Variants in ADCY9 observed in about 807,000 individuals in gnomAD.
ADCY9 encodes adenylate cyclase 9.
ADCY9 carries 50 observed loss-of-function variants against 101.5 expected under a neutral mutation model. The ratio of observed to expected loss-of-function variants is 0.49; its 90% confidence interval spans 0.39 to 0.62. The LOEUF (loss-of-function observed/expected upper bound fraction) is 0.62, where lower values mean the gene tolerates loss of function less well. Ranked by LOEUF, ADCY9 falls within the 20% of genes least tolerant of loss-of-function variation. The pLI, the probability that ADCY9 is intolerant of heterozygous loss-of-function variation, is 0.00. For missense variants in ADCY9, 1,662 were observed against 1,800.4 expected (o/e 0.92, Z 1.39); for synonymous variants, 905 against 769.3 (o/e 1.18, Z -2.92).
intron 2 of ADCY9, among the ~76,000 whole-genome samples, chr16:4,087,497 C>T (rs1321384539): frequency 6.7e-6 from 1 of 148,756 alleles, no homozygotes. Context: ...GATCACATTG[C>T]TGCACTCCAG....
At chr16:4,075,743 C>G (rs2056862855) in intron 2 of ADCY9, among the ~76,000 whole-genome samples, 1 of 152,198 alleles carries the variant, frequency 6.6e-6, no homozygotes, top group South Asian at 2.1e-4. Flanking sequence ...GCGGCTGGGG[C>G]AGCGGGGGGG....
intron 2 of ADCY9, among the ~76,000 whole-genome samples, chr16:4,053,248 A>C (rs1415944841): frequency 6.6e-6 from 1 of 152,206 alleles, no homozygotes; most frequent in African/African-American, 2.4e-5. Flanking sequence ...AATCGCAGTG[A>C]AGTGGGCCGT....
chr16:4,053,344 CAGTTA>C (rs2056713998), intron 2 of ADCY9, among the ~76,000 whole-genome samples: 2 of 152,202 alleles, frequency 1.3e-5, no homozygotes, highest in African/African-American at 4.8e-5. Flanking sequence ...ATCCTGGAGA[CAGTTA>C]AGTTACCAGG....
In ADCY9 at chr16:4,114,893, A is replaced by T; in HGVS notation, c.550T>A (p.Phe184Ile). The change falls in exon 2 of 11, where the codon TTC becomes ATC. Residue 184 changes from phenylalanine to isoleucine, a missense_variant. Transcript: ENST00000294016. The surrounding 1 kb of genome is among the most constrained non-coding windows in gnomAD (Gnocchi z 4.3). ...WTSLALTLLV[F>I]ALTLAAQFQV... is the part of the protein sequence containing the mutation. ...AACTGCGCAGCCAGGGTCAGGGCGA[A>T]CACCAGCAGGGTGAGAGCCAGCGAG... is the stretch of plus-strand genomic sequence containing the variant. 1 of 1,613,822 alleles carries T rather than the reference A, an allele frequency of 6.2e-7. No individual in the cohort carries two copies. Among genetic ancestry groups the T allele is most frequent in the Non-Finnish European group, 8.5e-7 (1 of 1,180,026 alleles).
chr16:4,095,853 T>A (rs1161428870), intron 2 of ADCY9, among the ~76,000 whole-genome samples: 1 of 151,500 alleles, frequency 6.6e-6, no homozygotes, highest in Non-Finnish European at 1.5e-5. Flanking sequence ...GTTGCATGAC[T>A]ATAGTCCCAG....
intron 2 of ADCY9, among the ~76,000 whole-genome samples, chr16:4,069,108 G>T (rs2056817739): frequency 6.6e-6 from 1 of 152,120 alleles, no homozygotes; most frequent in African/African-American, 2.4e-5. Flanking sequence ...TATGCAAAAT[G>T]TCCTCAAAAA....
intron 2 of ADCY9, among the ~76,000 whole-genome samples, chr16:4,108,660 C>A (rs1450068643): frequency 2.6e-5 from 4 of 151,104 alleles, no homozygotes; most frequent in Non-Finnish European, 4.4e-5. Flanking sequence ...GCATGAGCCA[C>A]CACGCCCGGC....
intron 2 of ADCY9, among the ~76,000 whole-genome samples, chr16:4,035,537 A>G (rs1049046370): frequency 6.6e-6 from 1 of 152,152 alleles, no homozygotes; most frequent in African/African-American, 2.4e-5. Context: ...ACATGCTTAG[A>G]TTGCCTCGCA....
intron 2 of ADCY9, among the ~76,000 whole-genome samples, chr16:4,041,470 G>T (rs981106976): frequency 1.4e-5 from 2 of 138,514 alleles, no homozygotes; most frequent in Non-Finnish European, 3.0e-5. Flanking sequence ...CTGGGCGATC[G>T]AGCAAGGGCG....
chr16:4,044,672 C>T (rs1453228593), intron 2 of ADCY9, among the ~76,000 whole-genome samples: 1 of 152,304 alleles, frequency 6.6e-6, no homozygotes, highest in Non-Finnish European at 1.5e-5. Flanking sequence ...TAGATCCCAA[C>T]AGAGAAGGCT....
intron 2 of ADCY9, among the ~76,000 whole-genome samples, chr16:4,032,556 C>CTGGA (rs2056563257): frequency 6.7e-6 from 1 of 149,180 alleles, no homozygotes; most frequent in Non-Finnish European, 1.5e-5. Context: ...GTTGCCCAGG[C>CTGGA]TGGAGTGCAA....
At chr16:4,012,533 A>C (rs896608054) in intron 2 of ADCY9, among the ~76,000 whole-genome samples, 7 of 151,500 alleles carry the variant, frequency 4.6e-5, no homozygotes, top group African/African-American at 1.7e-4. Context: ...GAGAATAATT[A>C]ATATGATTTC....
chr16:3,985,495 G>A (rs751678899), intron 6 of ADCY9, among the ~76,000 whole-genome samples: 6 of 152,130 alleles, frequency 3.9e-5, no homozygotes, highest in Non-Finnish European at 4.4e-5. Flanking sequence ...AGAGGCCCAC[G>A]CACGTCCCCT....
At position 4,025,511 on chromosome 16, in the gene ADCY9, C is replaced by T. The variant is rs751845947; in HGVS notation, c.1694-17953G>A. Among the ~76,000 whole-genome samples the T allele has an allele frequency of 2.6e-5, 4 of 152,228 alleles. No individual in the cohort carries two copies. The South Asian group carries it at 6.2e-4, about 24-fold the overall frequency. On this transcript the variant is annotated intron_variant, in intron 2 of 10. Transcript: ENST00000294016. The stretch of plus-strand genomic sequence containing the variant: ...CACACCAGGGAGAGGTGCGTTTGGG[C>T]GGCGAAGAGCACAGGCCAGGCTGGC...
intron 2 of ADCY9, among the ~76,000 whole-genome samples, chr16:4,097,532 T>TAC (rs1186418922): frequency 1.9e-5 from 1 of 51,730 alleles, no homozygotes; most frequent in African/African-American, 1.1e-4. Flanking sequence ...TATGTACATA[T>TAC]ATATATATAT....
rs1445586447 is a variant in ADCY9, at chr16:4,116,082, G to C, written c.-436C>G. Reference sequence around the variant, plus strand: ...GCCCTGCCCGCGGCGGCGGGCGCTGGGGGTGGGGGCGCCCCGGGCTGCGAG... The same window carrying C: ...GCCCTGCCCGCGGCGGCGGGCGCTGCGGGTGGGGGCGCCCCGGGCTGCGAG... On this transcript the variant is annotated 5_prime_UTR_variant, in exon 1 of 11. Coordinates refer to ENST00000294016, the MANE Select transcript of ADCY9 (RefSeq NM_001116.4). 1 of 145,762 alleles carries C rather than the reference G, an allele frequency of 6.9e-6. No homozygotes were observed. Among genetic ancestry groups the C allele is most frequent in the Non-Finnish European group, 1.5e-5 (1 of 65,606 alleles). 9.0% of individuals were successfully genotyped at this position (145,762 alleles called of 1,614,324 possible). A position where few individuals can be genotyped will look rare whatever the true frequency, so the allele number is the denominator to read the frequency against.
At chr16:3,969,494 C>T (rs183628640) in intron 10 of ADCY9, among the ~76,000 whole-genome samples, 128 of 142,618 alleles carry the variant, frequency 9.0e-4, no homozygotes, top group African/African-American at 3.2e-3. Flanking sequence ...CCGCCTCGAC[C>T]TCCCAAAGTG....
intron 2 of ADCY9, among the ~76,000 whole-genome samples, chr16:4,017,018 G>A (rs544118427): frequency 2.6e-5 from 4 of 152,238 alleles, no homozygotes; most frequent in African/African-American, 9.6e-5. Context: ...AGAAAAGGAA[G>A]CTGGGTGTGG....
chr16:4,081,864 G>C (rs999464193), intron 2 of ADCY9, among the ~76,000 whole-genome samples: 2 of 146,856 alleles, frequency 1.4e-5, no homozygotes, highest in South Asian at 2.2e-4. Context: ...GTGGGTAAGA[G>C]CAAGAAAGGG....
Sources: allele counts gnomAD v4.1 joint callset (sites outside exome capture counted in the v4.1 genomes callset), GRCh38; gene constraint gnomAD v4.1.1; non-coding constraint Gnocchi (gnomAD v3.1); transcripts MANE v1.5; gene names NCBI Gene and HGNC (gene_info 2026-07-23, HGNC 2026-07-21).